Variants in CFAP20DC observed in about 807,000 individuals in gnomAD.
CFAP20DC encodes the protein protein CFAP20DC.
Under a neutral mutation model 101.7 loss-of-function variants are expected in CFAP20DC, and 84 were observed. The ratio of observed to expected loss-of-function variants is 0.83; its 90% confidence interval spans 0.69 to 0.99. The LOEUF is 0.99. Among genes scored for constraint, CFAP20DC ranks in the 50% least tolerant of loss-of-function variants. The probability of loss-of-function intolerance (pLI) is 0.00; values close to 1 mark genes in which losing one functional copy is unlikely to be tolerated. For synonymous variants in CFAP20DC, 359 were observed against 351.2 expected, an observed-to-expected ratio of 1.02 and a Z score of -0.25; for missense variants, 1,007 against 970.3, an observed-to-expected ratio of 1.04 and a Z score of -0.50.
chr3:58,825,377 T>C (rs2107975473), intron 14 of CFAP20DC, among the ~76,000 whole-genome samples: 1 of 152,228 alleles, frequency 6.6e-6, no homozygotes, highest in South Asian at 2.1e-4. Context: ...AATGCCAATA[T>C]TAGGAAGGTT....
In CFAP20DC at chr3:58,864,194, T is replaced by A. The variant is rs929628109; in HGVS notation, c.1259-302A>T. On this transcript the variant is annotated intron_variant, in intron 11 of 16. Transcript: ENST00000482387. The surrounding 1 kb of genome is among the most constrained non-coding windows in gnomAD (Gnocchi z 4.7). ...GGCTGGTCTTGAACTCCTGACTTCA[T>A]GATCTGCCCGCCTCGGCCTCCCAAA... 3.3e-5 allele frequency among the ~76,000 whole-genome samples: 5 copies of A among 152,176 alleles called. No homozygotes were observed. The highest frequency in any genetic ancestry group is 2.0e-4 in the Admixed American group (3 of 15,286).
chr3:58,778,521 C>T (rs964324235), intron 15 of CFAP20DC, among the ~76,000 whole-genome samples: 1 of 152,200 alleles, frequency 6.6e-6, no homozygotes, highest in Non-Finnish European at 1.5e-5. Flanking sequence ...CCACTTGGGT[C>T]CCAGAGAGTT....
chr3:58,978,161 C>T (rs1022832049), intron 4 of CFAP20DC, among the ~76,000 whole-genome samples: 1 of 152,004 alleles, frequency 6.6e-6, no homozygotes, highest in Admixed American at 6.6e-5. Context: ...TCATTAGCAC[C>T]CTACCATTTA....
chr3:58,744,912 A>G (rs1167650961), intron 16 of CFAP20DC, among the ~76,000 whole-genome samples: 2 of 152,218 alleles, frequency 1.3e-5, no homozygotes, highest in Non-Finnish European at 2.9e-5. Context: ...ACAGGGGACC[A>G]GATCCAATGA....
At chr3:58,742,890 G>C (rs528346809) in intron 16 of CFAP20DC, among the ~76,000 whole-genome samples, 1 of 152,278 alleles carries the variant, frequency 6.6e-6, no homozygotes, top group East Asian at 1.9e-4. Flanking sequence ...TTAGGATTAG[G>C]AAACTTGCCA....
chr3:58,760,964 G>A (rs1023964620), intron 15 of CFAP20DC, among the ~76,000 whole-genome samples: 24 of 152,078 alleles, frequency 1.6e-4, no homozygotes, highest in African/African-American at 3.9e-4. Context: ...TTTTTGCATC[G>A]ATGTTCATCA....
chr3:58,959,535 T>C (rs1315527688), intron 4 of CFAP20DC, among the ~76,000 whole-genome samples: 2 of 152,244 alleles, frequency 1.3e-5, no homozygotes, highest in African/African-American at 4.8e-5. Context: ...CTTCTGCCCA[T>C]TAAATTGCTT....
At chr3:58,807,538 A>C (rs932144075) in intron 14 of CFAP20DC, among the ~76,000 whole-genome samples, 2 of 152,244 alleles carry the variant, frequency 1.3e-5, no homozygotes, top group Non-Finnish European at 2.9e-5. Context: ...AACAAACAGA[A>C]AGGACATCCA....
intron 6 of CFAP20DC, among the ~76,000 whole-genome samples, chr3:58,885,339 G>A (rs528025484): frequency 6.5e-4 from 98 of 151,570 alleles, no homozygotes; most frequent in African/African-American, 1.8e-3. Flanking sequence ...TATATTAATT[G>A]TCTCTTAAAA....
At chr3:58,796,103 A>T (rs1320923639) in intron 15 of CFAP20DC, among the ~76,000 whole-genome samples, 1 of 152,200 alleles carries the variant, frequency 6.6e-6, no homozygotes, top group Non-Finnish European at 1.5e-5. Flanking sequence ...TGGACCAGGG[A>T]TACAATTTGA....
At chr3:58,720,039 G>A (rs1429669844) in intron 3 of CFAP20DC, among the ~76,000 whole-genome samples, 1 of 152,212 alleles carries the variant, frequency 6.6e-6, no homozygotes, top group Non-Finnish European at 1.5e-5. Flanking sequence ...CTCAGGTAGA[G>A]GCCACCTTCC....
At chr3:58,717,039 A>G (rs1221722387), downstream of CFAP20DC, among the ~76,000 whole-genome samples, 3 of 151,930 alleles carry the variant, frequency 2.0e-5, no homozygotes, top group Non-Finnish European at 2.9e-5. This position sits in a 1 kb window ranked among gnomAD's most constrained non-coding sequence, Gnocchi z 4.1. Flanking sequence ...AATTTTAGTC[A>G]GCTATTCCCC....
intron 15 of CFAP20DC, among the ~76,000 whole-genome samples, chr3:58,773,329 T>C (rs1341641007): frequency 6.7e-6 from 1 of 149,306 alleles, no homozygotes; most frequent in African/African-American, 2.5e-5. Context: ...GGCTGGGGGA[T>C]CACTTATGCC....
rs1326036818 is a variant in CFAP20DC at position 58,817,114 on chromosome 3, G to T, written c.2176-10658C>A. Among the ~76,000 whole-genome samples the T allele has an allele frequency of 1.1e-4, 17 of 151,998 alleles. 1 individual carries two copies. The highest frequency in any genetic ancestry group is 7.2e-4 in the Admixed American group (11 of 15,256). ...AGAAGGAAAACTAACAAACAGAAAG[G>T]ACATCCACACCGAAAACCCATCTGT... On this transcript the variant is annotated intron_variant, in intron 14 of 16. Transcript: ENST00000482387.
intron 4 of CFAP20DC, among the ~76,000 whole-genome samples, chr3:59,038,034 C>T (rs1448630224): frequency 2.0e-5 from 3 of 151,994 alleles, no homozygotes; most frequent in South Asian, 4.2e-4. Context: ...GAACAGAAAG[C>T]GAAACACCAC....
Position 58,788,273 on chromosome 3 carries a change from G to A in CFAP20DC, c.2237+18122C>T, listed in dbSNP as rs1006237354. ...ACCACAGCATGGTTGATTTGGGGCC[G>A]TCTATTGGAGATGGATGTTTCTAAT... On this transcript the variant is annotated intron_variant, in intron 15 of 16. Coordinates refer to ENST00000482387, the MANE Select transcript of CFAP20DC (RefSeq NM_001394063.1). This position sits in a 1 kb window ranked among gnomAD's most constrained non-coding sequence, Gnocchi z 4.2. 6.6e-5 allele frequency among the ~76,000 whole-genome samples: 10 copies of A among 152,030 alleles called. No homozygotes were observed. Among genetic ancestry groups the A allele is most frequent in the Non-Finnish European group, 8.8e-5 (6 of 67,996 alleles).
intron 13 of CFAP20DC, among the ~76,000 whole-genome samples, chr3:58,840,985 C>T (rs1047535010): frequency 6.6e-6 from 1 of 152,222 alleles, no homozygotes; most frequent in Non-Finnish European, 1.5e-5. Context: ...CTGCTTTTGA[C>T]TTTTCAGTCA....
Position 58,941,327 on chromosome 3 carries a change from C to CAAAAAAAAAAAAAAA in CFAP20DC, c.279-3580_279-3566dup, listed in dbSNP as rs752324535. ...CTGGCGACAGAGCGAGACTCCGTCT[C>CAAAAAAAAAAAAAAA]AAAAAAAAAAAAAAAAAAAAAAAAA... On this transcript the variant is annotated intron_variant, in intron 4 of 16. Transcript: ENST00000482387. Among the ~76,000 whole-genome samples the CAAAAAAAAAAAAAAA allele has an allele frequency of 2.6e-4, 5 of 19,532 alleles. 1 individual carries two copies. The highest frequency in any genetic ancestry group is 9.2e-4 in the African/African-American group (5 of 5,460). The allele number at this position is 19,532 out of a possible 152,430, so 12.8% of individuals were successfully genotyped here.
At chr3:58,968,741 G>A (rs1297598483) in intron 4 of CFAP20DC, among the ~76,000 whole-genome samples, 2 of 152,084 alleles carry the variant, frequency 1.3e-5, no homozygotes, top group Non-Finnish European at 2.9e-5. Flanking sequence ...TTTTGCTTCT[G>A]TTGCAATTGC....
Sources: allele counts gnomAD v4.1 joint callset (sites outside exome capture counted in the v4.1 genomes callset), GRCh38; gene constraint gnomAD v4.1.1; non-coding constraint Gnocchi (gnomAD v3.1); transcripts MANE v1.5; gene names NCBI Gene and HGNC (gene_info 2026-07-23, HGNC 2026-07-21).